The following AHNAK variants were observed in gnomAD, a reference collection of about 807,000 sequenced individuals.
AHNAK encodes AHNAK nucleoprotein.
Under a neutral mutation model 37.8 loss-of-function variants are expected in AHNAK, and 23 were observed. The ratio of observed to expected loss-of-function variants is 0.61; its 90% confidence interval spans 0.44 to 0.86. The LOEUF is 0.86. Ranked by LOEUF, AHNAK falls within the 40% of genes least tolerant of loss-of-function variation. The pLI is 0.00. For missense variants in AHNAK, 7,411 were observed against 7,319.4 expected (o/e 1.01, Z -0.46); for synonymous variants, 2,481 against 2,636.3 (o/e 0.94, Z 1.80).
intron 5 of AHNAK, among the ~76,000 whole-genome samples, chr11:62,441,206 T>G (rs868017920): frequency 6.6e-6 from 1 of 151,810 alleles, no homozygotes; most frequent in Non-Finnish European, 1.5e-5. Flanking sequence ...TTCATCATGT[T>G]GGCCAGGCTA....
At chr11:62,473,675 A>G (rs1451264271) in intron 5 of AHNAK, among the ~76,000 whole-genome samples, 1 of 70,446 alleles carries the variant, frequency 1.4e-5, no homozygotes. Flanking sequence ...ACAGAGCAAG[A>G]CTCCGTCTCA....
At chr11:62,461,747 C>A (rs1938793855) in intron 5 of AHNAK, among the ~76,000 whole-genome samples, 1 of 151,620 alleles carries the variant, frequency 6.6e-6, no homozygotes, top group Non-Finnish European at 1.5e-5. Context: ...ATCACTTGAA[C>A]CCGGGAGGCG....
Position 62,529,091 on chromosome 11 carries a change from T to A in AHNAK, c.5326A>T (p.Ile1776Leu). ...GSKFKMPKLN[I>L]KAPKVSMPDV... is the part of the protein sequence containing the mutation. ...GGCATGGAGACCTTGGGAGCTTTTA[T>A]ATTCAACTTGGGCATCTTAAATTTG... Residue 1776 changes from isoleucine to leucine, a missense_variant, in exon 5 of 5, where the codon ATA becomes TTA. By Grantham distance (5) the Ile-to-Leu change is conservative. Coordinates refer to ENST00000378024, the MANE Select transcript of AHNAK (RefSeq NM_001620.3). 6.2e-7 allele frequency: 1 copy of A among 1,613,820 alleles called. No homozygotes were observed. The highest frequency in any genetic ancestry group is 8.5e-7 in the Non-Finnish European group (1 of 1,179,966).
rs529515017 is a variant in AHNAK, at chr11:62,505,705, C to A, written c.343-13874G>T. ...CAAGCCGCCGCCCTTCCCTCCCCCT[C>A]GACCTAGGGCTTTGCTCCTCCCCTG... is the stretch of plus-strand genomic sequence containing the variant. On this transcript the variant is annotated intron_variant, in intron 4 of 5. Transcript: ENST00000257247. 1.3e-5 allele frequency among the ~76,000 whole-genome samples: 2 copies of A among 151,434 alleles called. 1 individual carries two copies. The highest frequency in any genetic ancestry group is 4.2e-4 in the South Asian group (2 of 4,772).
At chr11:62,489,281 A>G (rs1254470233) in intron 5 of AHNAK, among the ~76,000 whole-genome samples, 1 of 150,982 alleles carries the variant, frequency 6.6e-6, no homozygotes, top group Non-Finnish European at 1.5e-5. Flanking sequence ...GACCGGCATC[A>G]TGGATGTGGG....
At position 62,517,426 on chromosome 11, in the gene AHNAK, G is replaced by C. The variant is rs566869163; in HGVS notation, c.16991C>G (p.Pro5664Arg). ...GKVTFPKMKI[P>R]KFTFSGRELV... ...CTCACGGCCAGAGAAGGTAAATTTG[G>C]GGATCTTCATTTTAGGGAATGTTAC... The change falls in exon 5 of 5, where the codon CCC becomes CGC. Residue 5664 changes from proline (P) to arginine (R), a missense_variant. Coordinates refer to ENST00000378024, the MANE Select transcript of AHNAK (RefSeq NM_001620.3). 7 of 1,614,080 alleles carry C rather than the reference G, an allele frequency of 4.3e-6. No homozygotes were observed. The East Asian group carries it at 8.9e-5, about 21-fold the overall frequency.
At chr11:62,434,789 G>A (rs532107788) in intron 5 of AHNAK, among the ~76,000 whole-genome samples, 15 of 151,984 alleles carry the variant, frequency 9.9e-5, no homozygotes, top group African/African-American at 2.7e-4. Flanking sequence ...AAAATTAGCC[G>A]GGTGTGGTGG....
At chr11:62,474,804 C>T (rs1474474549) in intron 5 of AHNAK, among the ~76,000 whole-genome samples, 1 of 152,226 alleles carries the variant, frequency 6.6e-6, no homozygotes, top group East Asian at 1.9e-4. Context: ...AATGTCCCAA[C>T]ATCCTGGTGC....
downstream of AHNAK, among the ~76,000 whole-genome samples, chr11:62,513,086 C>G (rs1939943589): frequency 6.6e-6 from 1 of 152,224 alleles, no homozygotes; most frequent in African/African-American, 2.4e-5. Context: ...CGAGGCTGAC[C>G]TTGAGACTGC....
At chr11:62,490,300 T>A (rs1238210121) in intron 5 of AHNAK, among the ~76,000 whole-genome samples, 1 of 150,772 alleles carries the variant, frequency 6.6e-6, no homozygotes, top group Non-Finnish European at 1.5e-5. Flanking sequence ...CTCCCGGGTT[T>A]AAGCGATTCT....
chr11:62,501,404 T>G (rs941738367), intron 4 of AHNAK, among the ~76,000 whole-genome samples: 1 of 151,984 alleles, frequency 6.6e-6, no homozygotes, highest in Non-Finnish European at 1.5e-5. Context: ...CCATCTCTAC[T>G]AAAATACAAA....
chr11:62,439,111 T>TTTTTC (rs1311218096), intron 5 of AHNAK, among the ~76,000 whole-genome samples: 3 of 143,172 alleles, frequency 2.1e-5, no homozygotes, highest in Non-Finnish European at 3.0e-5. Context: ...TTTTTTTTTT[T>TTTTTC]GAGATGGAGT....
intron 1 of AHNAK, among the ~76,000 whole-genome samples, chr11:62,543,862 G>A (rs992017223): frequency 2.0e-5 from 3 of 152,222 alleles, no homozygotes; most frequent in Admixed American, 2.0e-4. Flanking sequence ...AGCGTGCACA[G>A]CACGGTGCCA....
intron 5 of AHNAK, among the ~76,000 whole-genome samples, chr11:62,459,717 C>T (rs1938745199): frequency 6.6e-6 from 1 of 152,198 alleles, no homozygotes; most frequent in Non-Finnish European, 1.5e-5. Flanking sequence ...GTCCCCTAAT[C>T]TCCTGCATGT....
Position 62,516,096 on chromosome 11 carries a change from C to A in AHNAK, c.*648G>T. 1 of 1,251,046 alleles carries A rather than the reference C, an allele frequency of 8.0e-7. No individual in the cohort carries two copies. Among genetic ancestry groups the A allele is most frequent in the Non-Finnish European group, 1.0e-6 (1 of 966,718 alleles). The allele number at this position is 1,251,046 out of a possible 1,614,324, so 77.5% of individuals were successfully genotyped here. A position where few individuals can be genotyped will look rare whatever the true frequency, so the allele number is the denominator to read the frequency against. ...CAAAACACAGAAAATGGAAGCCCCT[C>A]ATGTTGAGGGGGTGGGTTGGACAAT... On this transcript the variant is annotated 3_prime_UTR_variant, in exon 5 of 5. Coordinates refer to ENST00000378024, the MANE Select transcript of AHNAK (RefSeq NM_001620.3).
At position 62,523,285 on chromosome 11, in the gene AHNAK, T is replaced by G. The variant is rs778445642; in HGVS notation, c.11132A>C (p.Lys3711Thr). Residue 3711 changes from lysine to threonine, a missense_variant, in exon 5 of 5, where the codon AAA becomes ACA. Coordinates refer to ENST00000378024, the MANE Select transcript of AHNAK (RefSeq NM_001620.3). Reference sequence around the variant, plus strand: ...AATGTCAGGAGTGTCAATGTCCACTTTGGGGCCCTTGATGTCCACCTCAGG... The same window carrying G: ...AATGTCAGGAGTGTCAATGTCCACTGTGGGGCCCTTGATGTCCACCTCAGG... ...KGPEVDIKGP[K>T]VDIDTPDINI... The G allele has an allele frequency of 6.2e-7, 1 of 1,613,988 alleles. No individual in the cohort carries two copies. The highest frequency in any genetic ancestry group is 8.5e-7 in the Non-Finnish European group (1 of 1,180,008).
rs199759358 is a variant in AHNAK at position 62,517,920 on chromosome 11, G to C, written c.16497C>G (p.Ser5499=). The C allele has an allele frequency of 3.7e-6, 6 of 1,614,166 alleles. No individual in the cohort carries two copies. The Admixed American group carries it at 1.0e-4, about 27-fold the overall frequency. ...EGNLQMPGIK[S]SGCDVNLPGV... ...CTGGCAGGTTCACATCACATCCAGA[G>C]GACTTAATTCCAGGCATCTGGAGGT... The change falls in exon 5 of 5, where the codon TCC becomes TCG. Residue 5499 remains serine (S), a synonymous_variant. Coordinates refer to ENST00000378024, the MANE Select transcript of AHNAK (RefSeq NM_001620.3).
intron 5 of AHNAK, among the ~76,000 whole-genome samples, chr11:62,437,237 C>G (rs1938191840): frequency 6.6e-6 from 1 of 152,194 alleles, no homozygotes; most frequent in African/African-American, 2.4e-5. Flanking sequence ...GAATAGATCA[C>G]CAATTTATTT....
At chr11:62,502,799 AG>A (rs1306110591) in intron 4 of AHNAK, among the ~76,000 whole-genome samples, 2 of 152,212 alleles carry the variant, frequency 1.3e-5, no homozygotes, top group African/African-American at 4.8e-5. Flanking sequence ...CATGAAAGCC[AG>A]GTGCTGGAAA....
Sources: gnomAD v4.1 joint callset for allele counts (sites outside exome capture counted in the v4.1 genomes callset) on GRCh38, gnomAD v4.1.1 for gene constraint, MANE v1.5 for transcripts, NCBI Gene and HGNC (gene_info 2026-07-23, HGNC 2026-07-21) for gene names.